TTC39B: variants seen among roughly 807,000 people sequenced by gnomAD.
TTC39B encodes the protein tetratricopeptide repeat domain 39B.
TTC39B carries 92 observed loss-of-function variants against 96.6 expected under a neutral mutation model. That is an observed-to-expected ratio of 0.95 (90% CI 0.80 to 1.13). The LOEUF is 1.13. TTC39B is among the 50% of genes most tolerant of loss of function. The pLI is 0.00. For missense variants in TTC39B, 955 were observed against 809.3 expected, an observed-to-expected ratio of 1.18 and a Z score of -2.18; for synonymous variants, 367 against 299.4, an observed-to-expected ratio of 1.23 and a Z score of -2.33.
intron 1 of TTC39B, among the ~76,000 whole-genome samples, chr9:15,288,200 G>C (rs10961957): frequency 0.25 from 37,323 of 151,922 alleles, 5,552 homozygotes; most frequent in Non-Finnish European, 0.32. Context: ...ATGGACAGGA[G>C]ACAGGGAAAT....
intron 13 of TTC39B, among the ~76,000 whole-genome samples, chr9:15,188,457 G>A (rs1818662351): frequency 6.6e-6 from 1 of 152,174 alleles, no homozygotes; most frequent in Admixed American, 6.5e-5. Context: ...TGTAGGCAGA[G>A]TTACAGGCAA....
At chr9:15,213,374 T>C (rs1586886105) in intron 4 of TTC39B, among the ~76,000 whole-genome samples, 3 of 152,214 alleles carry the variant, frequency 2.0e-5, no homozygotes, top group South Asian at 4.1e-4. Context: ...TGTGAAACAA[T>C]AGCTGACCCA....
chr9:15,307,028 C>G, intron 1 of TTC39B, 56 bp downstream of exon 1: 1 of 1,585,064 alleles, frequency 6.3e-7, no homozygotes, highest in Non-Finnish European at 8.6e-7. Flanking sequence ...CTCTTCTCTC[C>G]CGGACTCCTG....
chr9:15,249,831 G>C (rs1822452030), intron 2 of TTC39B: 1 of 1,035,872 alleles, frequency 9.7e-7, no homozygotes, highest in Non-Finnish European at 1.2e-6. Context: ...AATTTACATA[G>C]CCTTCCTTAA....
intron 2 of TTC39B, chr9:15,250,090 C>T: frequency 7.9e-7 from 1 of 1,271,970 alleles, no homozygotes; most frequent in Non-Finnish European, 1.0e-6. Context: ...TCCAGTGAGA[C>T]TCTCAATTCT....
chr9:15,174,064 G>C (rs1250921162), intron 19 of TTC39B, among the ~76,000 whole-genome samples: 1 of 152,074 alleles, frequency 6.6e-6, no homozygotes, highest in African/African-American at 2.4e-5. Flanking sequence ...GCAAATCTCA[G>C]CTACAATATC....
chr9:15,240,944 T>A (rs1158324958), intron 2 of TTC39B, among the ~76,000 whole-genome samples: 1 of 152,230 alleles, frequency 6.6e-6, no homozygotes, highest in Non-Finnish European at 1.5e-5. Flanking sequence ...ATATTTACCA[T>A]CTCAATCTGG....
intron 3 of TTC39B, among the ~76,000 whole-genome samples, chr9:15,222,630 G>A (rs1055865836): frequency 1.3e-5 from 2 of 152,036 alleles, no homozygotes; most frequent in African/African-American, 4.8e-5. Context: ...TGTAATTCTG[G>A]GATTTCCCAA....
At chr9:15,178,421 T>G (rs920767494) in intron 17 of TTC39B, among the ~76,000 whole-genome samples, 2 of 152,028 alleles carry the variant, frequency 1.3e-5, no homozygotes, top group Admixed American at 1.3e-4. Flanking sequence ...AAAAAAAATT[T>G]TTTTAATTAC....
chr9:15,278,265 A>G (rs1277615478), intron 1 of TTC39B, among the ~76,000 whole-genome samples: 2 of 152,228 alleles, frequency 1.3e-5, no homozygotes, highest in African/African-American at 4.8e-5. Flanking sequence ...CCATTATCAT[A>G]GAATACTCAC....
At chr9:15,188,223 A>G in intron 13 of TTC39B, 91 bp from the exon 14 acceptor site, 1 of 1,333,634 alleles carries the variant, frequency 7.5e-7, no homozygotes, top group East Asian at 2.4e-5. Flanking sequence ...TTAGTACAAA[A>G]AGGACAAAAT....
At chr9:15,243,254 C>G (rs920009588) in intron 2 of TTC39B, among the ~76,000 whole-genome samples, 5 of 152,198 alleles carry the variant, frequency 3.3e-5, no homozygotes, top group Admixed American at 3.3e-4. Context: ...TCCCACATCT[C>G]CCAGAAAACC....
chr9:15,231,348 T>C (rs920030606), intron 2 of TTC39B, among the ~76,000 whole-genome samples: 1 of 152,156 alleles, frequency 6.6e-6, no homozygotes, highest in Non-Finnish European at 1.5e-5. Flanking sequence ...AATAATGTAC[T>C]AGATTCCCAA....
chr9:15,204,062 G>A (rs1185494746), intron 6 of TTC39B, among the ~76,000 whole-genome samples, 172 bp from the exon 7 acceptor site: 1 of 152,138 alleles, frequency 6.6e-6, no homozygotes, highest in Non-Finnish European at 1.5e-5. Context: ...ACTTTGTCAG[G>A]AAGATTTTCC....
chr9:15,271,623 G>A (rs746983905), intron 1 of TTC39B, among the ~76,000 whole-genome samples: 11 of 152,080 alleles, frequency 7.2e-5, no homozygotes, highest in Non-Finnish European at 1.3e-4. Context: ...ATGCTCGCCC[G>A]CCCACCACTC....
chr9:15,287,674 A>G (rs777954467), intron 1 of TTC39B, among the ~76,000 whole-genome samples: 4 of 152,182 alleles, frequency 2.6e-5, no homozygotes, highest in Non-Finnish European at 4.4e-5. Flanking sequence ...GGTAAAGACA[A>G]GAAAACCTTT....
At chr9:15,242,554 A>C (rs560832358) in intron 2 of TTC39B, among the ~76,000 whole-genome samples, 19 of 152,128 alleles carry the variant, frequency 1.2e-4, no homozygotes, top group African/African-American at 4.6e-4. Flanking sequence ...CTACACTCCA[A>C]CCTGGGTGAC....
At chr9:15,172,848 C>G (rs944935462) in intron 19 of TTC39B, among the ~76,000 whole-genome samples, 1 of 152,148 alleles carries the variant, frequency 6.6e-6, no homozygotes, top group Non-Finnish European at 1.5e-5. Flanking sequence ...ATAAGGGCTA[C>G]TCACTGGTAA....
chr9:15,210,327 C>G (rs896167980), intron 5 of TTC39B, among the ~76,000 whole-genome samples, 163 bp from the exon 6 acceptor site: 1 of 152,354 alleles, frequency 6.6e-6, no homozygotes, highest in South Asian at 2.1e-4. Context: ...TTTTCCAACA[C>G]TCTACATGCA....
Sources: gnomAD v4.1 joint callset for allele counts (sites outside exome capture counted in the v4.1 genomes callset) on GRCh38, gnomAD v4.1.1 for gene constraint, MANE v1.5 for transcripts, NCBI Gene and HGNC (gene_info 2026-07-23, HGNC 2026-07-21) for gene names.